Variants in KHDRBS2 observed in about 807,000 individuals in gnomAD.
KHDRBS2 encodes KH domain-containing, RNA-binding, signal transduction-associated protein 2.
Under a neutral mutation model 44.3 loss-of-function variants are expected in KHDRBS2, and 26 were observed. That is an observed-to-expected ratio of 0.59 (90% CI 0.43 to 0.81). The LOEUF is 0.81. Among genes scored for constraint, KHDRBS2 ranks in the 40% least tolerant of loss-of-function variants. The pLI is 0.00. For missense variants in KHDRBS2, 476 were observed against 433.1 expected (o/e 1.10, Z -0.88); for synonymous variants, 194 against 151.1 (o/e 1.28, Z -2.08).
chr6:62,153,696 G>A (rs1429644273), intron 2 of KHDRBS2, among the ~76,000 whole-genome samples: 1 of 152,100 alleles, frequency 6.6e-6, no homozygotes, highest in Non-Finnish European at 1.5e-5. Context: ...GCTCAGGGTG[G>A]TAGGGACCTA....
Position 62,120,714 on chromosome 6 carries a change from A to T in KHDRBS2, c.219+56471T>A, listed in dbSNP as rs73491114. On this transcript the variant is annotated intron_variant, in intron 2 of 8. Coordinates refer to ENST00000281156, the MANE Select transcript of KHDRBS2 (RefSeq NM_152688.4). ...TAGAAAACTTCCAGGTTGAGTGGACAAATGAATAATTTAAATTATAAAAAT... is the reference window on the plus strand; with the variant it reads ...TAGAAAACTTCCAGGTTGAGTGGACTAATGAATAATTTAAATTATAAAAAT... 9.5e-3 allele frequency among the ~76,000 whole-genome samples: 1,448 copies of T among 152,328 alleles called. 24 individuals are homozygous for T. The highest frequency in any genetic ancestry group is 0.034 in the African/African-American group (1,394 of 41,564).
At chr6:62,202,121 C>T (rs974719689) in intron 1 of KHDRBS2, among the ~76,000 whole-genome samples, 1 of 152,036 alleles carries the variant, frequency 6.6e-6, no homozygotes, top group Non-Finnish European at 1.5e-5. Flanking sequence ...TTTATTCTGA[C>T]TATGCACTTC....
At chr6:61,697,516 T>C (rs1316112200) in intron 7 of KHDRBS2, among the ~76,000 whole-genome samples, 2 of 152,018 alleles carry the variant, frequency 1.3e-5, no homozygotes, top group African/African-American at 4.8e-5. Context: ...AACACAAGTA[T>C]AACACTTCAA....
the KHDRBS2 span, among the ~76,000 whole-genome samples, chr6:61,603,831 C>A: frequency 6.6e-6 from 1 of 152,164 alleles, no homozygotes; most frequent in Non-Finnish European, 1.5e-5. Flanking sequence ...AGATACCACA[C>A]CTGACCACCA....
chr6:61,843,328 G>A (rs146107656), intron 6 of KHDRBS2, among the ~76,000 whole-genome samples: 15 of 141,592 alleles, frequency 1.1e-4, no homozygotes, highest in African/African-American at 3.9e-4. Flanking sequence ...CATGGTATAT[G>A]AATTATATCT....
chr6:62,200,986 CA>C, intron 1 of KHDRBS2, among the ~76,000 whole-genome samples: 1 of 152,142 alleles, frequency 6.6e-6, no homozygotes, highest in South Asian at 2.1e-4. Flanking sequence ...ATCGCAAGGA[CA>C]AAAAACCAAA....
intron 4 of KHDRBS2, among the ~76,000 whole-genome samples, chr6:61,902,497 T>C (rs1240599167): frequency 6.9e-6 from 1 of 145,244 alleles, no homozygotes; most frequent in East Asian, 2.1e-4. Context: ...GTTTCTCTTT[T>C]TACTAATCAA....
intron 2 of KHDRBS2, among the ~76,000 whole-genome samples, chr6:62,137,741 C>T (rs1190590181): frequency 1.3e-5 from 2 of 151,988 alleles, no homozygotes; most frequent in East Asian, 1.9e-4. Flanking sequence ...CCCAAGGCAA[C>T]GTATAAAGTT....
In KHDRBS2 at chr6:61,790,907, T is replaced by G. The variant is rs151024150; in HGVS notation, c.811-58143A>C. 2.0e-5 allele frequency among the ~76,000 whole-genome samples: 3 copies of G among 151,538 alleles called. No individual in the cohort carries two copies. The South Asian group carries it at 6.2e-4, about 31-fold the overall frequency. On this transcript the variant is annotated intron_variant, in intron 6 of 8. Coordinates refer to ENST00000281156, the MANE Select transcript of KHDRBS2 (RefSeq NM_152688.4). Reference sequence around the variant, plus strand: ...TCATTATGGTCTAGAATTTTCTCAGTAGAAAAGATAGGTTATGATTTGCAA... The same window carrying G: ...TCATTATGGTCTAGAATTTTCTCAGGAGAAAAGATAGGTTATGATTTGCAA...
intron 7 of KHDRBS2, among the ~76,000 whole-genome samples, chr6:61,722,160 G>A (rs1484752540): frequency 6.6e-6 from 1 of 152,128 alleles, no homozygotes; most frequent in African/African-American, 2.4e-5. Flanking sequence ...GCTTTTTGAT[G>A]TGCTGCTGGA....
chr6:61,778,185 A>G (rs1445790660), intron 6 of KHDRBS2, among the ~76,000 whole-genome samples: 1 of 152,190 alleles, frequency 6.6e-6, no homozygotes, highest in South Asian at 2.1e-4. Flanking sequence ...ACAATGAGCA[A>G]ATACTAAAAT....
intron 2 of KHDRBS2, among the ~76,000 whole-genome samples, chr6:62,063,071 T>C (rs1478803270): frequency 7.0e-6 from 1 of 142,578 alleles, no homozygotes; most frequent in African/African-American, 2.6e-5. Context: ...CTCCCAAGAC[T>C]AAACCAGGAA....
intron 6 of KHDRBS2, chr6:61,816,880 T>G (rs900087225): frequency 2.2e-6 from 1 of 450,622 alleles, no homozygotes. Flanking sequence ...ATTTAAACCA[T>G]ACACTTTTAC....
chr6:61,543,966 C>T, the KHDRBS2 span, among the ~76,000 whole-genome samples: 4 of 151,122 alleles, frequency 2.6e-5, no homozygotes, highest in Admixed American at 1.3e-4. Flanking sequence ...GGTAATGGGG[C>T]TGTAGGAGTA....
At chr6:61,957,527 G>C (rs896708081) in intron 4 of KHDRBS2, among the ~76,000 whole-genome samples, 3 of 152,078 alleles carry the variant, frequency 2.0e-5, no homozygotes, top group Non-Finnish European at 2.9e-5. Context: ...TGTCTTTTAC[G>C]GTCATAGCTG....
chr6:62,141,367 G>C (rs1038267909), intron 2 of KHDRBS2, among the ~76,000 whole-genome samples: 1 of 152,134 alleles, frequency 6.6e-6, no homozygotes, highest in Non-Finnish European at 1.5e-5. Context: ...CAAGGCTCTG[G>C]AGAAGTTCAC....
chr6:61,972,379 T>G (rs1417217841), intron 4 of KHDRBS2, among the ~76,000 whole-genome samples: 1 of 152,188 alleles, frequency 6.6e-6, no homozygotes. Flanking sequence ...TGATTACAGA[T>G]GTCTTCCAAG....
rs117414595 is a variant in KHDRBS2, at chr6:62,126,686, C to T, written c.219+50499G>A. Reference sequence around the variant, plus strand: ...TAAGGGAAGGACTGGTATATTTTGCCTCCTTCTTAAGAAGAATATATTTTC... The same window carrying T: ...TAAGGGAAGGACTGGTATATTTTGCTTCCTTCTTAAGAAGAATATATTTTC... On this transcript the variant is annotated intron_variant, in intron 2 of 8. Transcript: ENST00000281156. Among the ~76,000 whole-genome samples, 32 of 152,274 alleles carry T rather than the reference C, an allele frequency of 2.1e-4. No homozygotes were observed. In the East Asian group the frequency reaches 5.8e-3, roughly 28 times the overall value.
chr6:62,252,108 G>T (rs1836647655), intron 1 of KHDRBS2, among the ~76,000 whole-genome samples: 2 of 151,676 alleles, frequency 1.3e-5, no homozygotes, highest in Non-Finnish European at 2.9e-5. Flanking sequence ...TTAGAAATGT[G>T]TTCCTTCCTT....
Sources: allele counts gnomAD v4.1 joint callset (sites outside exome capture counted in the v4.1 genomes callset), GRCh38; gene constraint gnomAD v4.1.1; transcripts MANE v1.5; gene names NCBI Gene and HGNC (gene_info 2026-07-23, HGNC 2026-07-21).